The following OSBPL3 variants were observed in gnomAD, a reference collection of about 807,000 sequenced individuals.
The protein encoded by OSBPL3 is oxysterol-binding protein-related protein 3.
OSBPL3 carries 65 observed loss-of-function variants against 120.1 expected under a neutral mutation model. The observed-to-expected ratio is 0.54, with a 90% CI of 0.44 to 0.67. OSBPL3 has a LOEUF of 0.67. Ranked by LOEUF, OSBPL3 falls within the 30% of genes least tolerant of loss-of-function variation. OSBPL3 has a pLI of 0.00. For synonymous variants in OSBPL3, 416 were observed against 402.6 expected, an observed-to-expected ratio of 1.03 and a Z score of -0.40; for missense variants, 1,004 against 1,082.1, an observed-to-expected ratio of 0.93 and a Z score of 1.01.
At chr7:24,942,013 G>T (rs1240463581) in intron 1 of OSBPL3, among the ~76,000 whole-genome samples, 1 of 152,114 alleles carries the variant, frequency 6.6e-6, no homozygotes, top group Non-Finnish European at 1.5e-5. Context: ...ATCTCTCTTT[G>T]TAACACATAA....
intron 14 of OSBPL3, among the ~76,000 whole-genome samples, chr7:24,837,843 C>T (rs1045829262): frequency 6.6e-6 from 1 of 152,178 alleles, no homozygotes; most frequent in African/African-American, 2.4e-5. Context: ...AGTCTGGTCC[C>T]TTAATCTGTA....
chr7:24,977,856 AAAAAAAGAAAAG>A (rs918242285), intron 1 of OSBPL3, among the ~76,000 whole-genome samples: 8 of 152,266 alleles, frequency 5.3e-5, no homozygotes, highest in African/African-American at 1.9e-4. Context: ...ACTACGTCTC[AAAAAAAGAAAAG>A]AAAAAAGAAA....
rs1337629724 is a variant in OSBPL3 at position 24,899,930 on chromosome 7, G to A, written c.-149-7309C>T. Among the ~76,000 whole-genome samples, 1 of 152,230 alleles carries A rather than the reference G, an allele frequency of 6.6e-6. No individual in the cohort carries two copies. The highest frequency in any genetic ancestry group is 2.4e-5 in the African/African-American group (1 of 41,456). On this transcript the variant is annotated intron_variant, in intron 1 of 22. Coordinates refer to ENST00000313367, the MANE Select transcript of OSBPL3 (RefSeq NM_015550.4). The surrounding 1 kb of genome is among the most constrained non-coding windows in gnomAD (Gnocchi z 4.0). ...ATGCCCTGGGTGATTTTTGCTTAAA[G>A]TTTGAGAACGTAACTGACTTAGCCT...
At chr7:24,885,835 AAGGCTAT>A (rs532997279) in intron 2 of OSBPL3, among the ~76,000 whole-genome samples, 77 of 152,120 alleles carry the variant, frequency 5.1e-4, no homozygotes, top group African/African-American at 1.8e-3. Flanking sequence ...AATAAAACTC[AAGGCTAT>A]AGGACTCTTT....
At chr7:24,905,220 T>C (rs1807720624) in intron 1 of OSBPL3, among the ~76,000 whole-genome samples, 1 of 151,202 alleles carries the variant, frequency 6.6e-6, no homozygotes, top group African/African-American at 2.4e-5. Context: ...TTGTTTTCCA[T>C]CTTTTTTCTT....
chr7:24,902,274 T>C (rs770971427), intron 1 of OSBPL3, among the ~76,000 whole-genome samples: 1 of 152,308 alleles, frequency 6.6e-6, no homozygotes, highest in Admixed American at 6.5e-5. Context: ...AAAGGATATA[T>C]ACAAATACCC....
chr7:24,831,436 G>A lies in OSBPL3; in HGVS notation c.1747-531C>T, dbSNP rs963832842. On this transcript the variant is annotated intron_variant, in intron 15 of 22. Transcript: ENST00000313367. This position sits in a 1 kb window ranked among gnomAD's most constrained non-coding sequence, Gnocchi z 4.0. ...GTCATTTCCTAAGCCTGGGAAACAA[G>A]CCACAGGATATAGTGACTTTAAAGT... 7.2e-5 allele frequency among the ~76,000 whole-genome samples: 11 copies of A among 152,120 alleles called. No homozygotes were observed. The highest frequency in any genetic ancestry group is 2.7e-4 in the African/African-American group (11 of 41,410).
rs1393751771 is a variant in OSBPL3 at position 24,813,161 on chromosome 7, G to A, written c.2172+1898C>T. ...CCCAAAGTGCTGGGATTACAGGTGTGAGCCATGGCACCCGGGCTCTTAAGT... is the reference window on the plus strand; with the variant it reads ...CCCAAAGTGCTGGGATTACAGGTGTAAGCCATGGCACCCGGGCTCTTAAGT... On this transcript the variant is annotated intron_variant, in intron 19 of 22. Coordinates refer to ENST00000313367, the MANE Select transcript of OSBPL3 (RefSeq NM_015550.4). This position sits in a 1 kb window ranked among gnomAD's most constrained non-coding sequence, Gnocchi z 4.5. Among the ~76,000 whole-genome samples the A allele has an allele frequency of 6.6e-6, 1 of 152,158 alleles. No individual in the cohort carries two copies. The highest frequency in any genetic ancestry group is 6.5e-5 in the Admixed American group (1 of 15,270).
intron 2 of OSBPL3, among the ~76,000 whole-genome samples, chr7:24,874,951 C>T (rs937679843): frequency 6.6e-6 from 1 of 152,172 alleles, no homozygotes; most frequent in African/African-American, 2.4e-5. Flanking sequence ...CCCTCGGGGA[C>T]ACTGTGGAAT....
intron 1 of OSBPL3, among the ~76,000 whole-genome samples, chr7:24,978,006 T>C (rs759332187): frequency 1.6e-4 from 25 of 152,224 alleles, no homozygotes; most frequent in Non-Finnish European, 3.4e-4. Flanking sequence ...CAAATAAAGC[T>C]AAATGCCTAT....
chr7:24,809,918 C>G lies in OSBPL3; in HGVS notation c.2206G>C (p.Glu736Gln), dbSNP rs1192783083. The change falls in exon 20 of 23, where the codon GAA (glutamate) becomes CAA (glutamine). Residue 736 changes from glutamate to glutamine, a missense_variant. Glu to Gln is a conservative substitution (Grantham distance 29). This residue lies in a region of OSBPL3 where 473 missense variants were observed against 568.0 expected (regional missense o/e 0.83). Coordinates refer to ENST00000313367, the MANE Select transcript of OSBPL3 (RefSeq NM_015550.4). ...KYWSTNAHEIEGTVFDRSGKA... is the reference protein window; with the variant it reads ...KYWSTNAHEIQGTVFDRSGKA... The stretch of plus-strand genomic sequence containing the variant: ...CCACTCCTGTCAAACACTGTGCCTT[C>G]AATCTCATGGGCATTAGTGCTCCAG... The G allele has an allele frequency of 2.5e-6, 4 of 1,614,200 alleles. No individual in the cohort carries two copies. Among genetic ancestry groups the G allele is most frequent in the Non-Finnish European group, 3.4e-6 (4 of 1,180,010 alleles).
In OSBPL3 at chr7:24,923,252, A is replaced by C. The variant is rs148760750; in HGVS notation, c.-149-30631T>G. 2.9e-3 allele frequency among the ~76,000 whole-genome samples: 441 copies of C among 152,342 alleles called. 4 individuals are homozygous for C. Among genetic ancestry groups the C allele is most frequent in the African/African-American group, 9.3e-3 (388 of 41,580 alleles). ...CTCAGGACTGGGGAGTCAGAGCTAG[A>C]AGAGCGTCTCTGCTCCTCAGCAACC... is the stretch of plus-strand genomic sequence containing the variant. On this transcript the variant is annotated intron_variant, in intron 1 of 22. Transcript: ENST00000313367.
At chr7:24,812,467 C>T (rs1382154246) in intron 19 of OSBPL3, among the ~76,000 whole-genome samples, 1 of 151,978 alleles carries the variant, frequency 6.6e-6, no homozygotes, top group African/African-American at 2.4e-5. Flanking sequence ...CCAGTCCAGC[C>T]CAGCTCAGGC....
At chr7:24,876,229 T>A (rs1335905564) in intron 2 of OSBPL3, among the ~76,000 whole-genome samples, 1 of 152,180 alleles carries the variant, frequency 6.6e-6, no homozygotes, top group Non-Finnish European at 1.5e-5. Flanking sequence ...GGCGATTTAC[T>A]TATATTTTGG....
At chr7:24,869,701 TAGC>T (rs1248116552) in intron 5 of OSBPL3, among the ~76,000 whole-genome samples, 1 of 152,192 alleles carries the variant, frequency 6.6e-6, no homozygotes, top group African/African-American at 2.4e-5. Context: ...TTTACACAAT[TAGC>T]TACACCCAGA....
chr7:24,837,392 C>T (rs551131159), intron 14 of OSBPL3, among the ~76,000 whole-genome samples: 8 of 151,768 alleles, frequency 5.3e-5, no homozygotes, highest in Non-Finnish European at 7.4e-5. Context: ...TTTTTAGAGA[C>T]AGGATCTTGC....
rs370452025 is a variant in OSBPL3 at position 24,866,352 on chromosome 7, C to A, written c.382-115G>T. 77 of 810,546 alleles carry A rather than the reference C, an allele frequency of 9.5e-5. 3 individuals are homozygous for A. Among genetic ancestry groups the A allele is most frequent in the Admixed American group, 4.0e-4 (19 of 47,222 alleles). The allele number at this position is 810,546 out of a possible 1,614,324, so 50.2% of individuals were successfully genotyped here. On this transcript the variant is annotated intron_variant, in intron 5 of 22. Transcript: ENST00000313367. The stretch of plus-strand genomic sequence containing the variant: ...CTCTTTTTCAGTTGGCACGTAATTT[C>A]AACAGCCAGGCGCAGTGGCTGATGC...
intron 12 of OSBPL3, among the ~76,000 whole-genome samples, chr7:24,843,477 C>T (rs1798030456): frequency 6.6e-6 from 1 of 152,126 alleles, no homozygotes; most frequent in Non-Finnish European, 1.5e-5. Context: ...CAGATTATAT[C>T]TTGCCCAGAA....
In OSBPL3 at chr7:24,918,031, T is replaced by C. The variant is rs1445666414; in HGVS notation, c.-149-25410A>G. The stretch of plus-strand genomic sequence containing the variant: ...TCAGTGATCCTATGAGTCCATAAAA[T>C]GACTAGCACTCTTACCTATAAAGGT... On this transcript the variant is annotated intron_variant, in intron 1 of 22. Coordinates refer to ENST00000313367, the MANE Select transcript of OSBPL3 (RefSeq NM_015550.4). The surrounding 1 kb of genome is among the most constrained non-coding windows in gnomAD (Gnocchi z 4.3). 23 of 972,406 alleles carry C rather than the reference T, an allele frequency of 2.4e-5. No individual in the cohort carries two copies. The highest frequency in any genetic ancestry group is 2.8e-5 in the Non-Finnish European group (23 of 818,134). The allele number at this position is 972,406 out of a possible 1,614,324, so 60.2% of individuals were successfully genotyped here. A position where few individuals can be genotyped will look rare whatever the true frequency, so the allele number is the denominator to read the frequency against.
Sources: allele counts gnomAD v4.1 joint callset (sites outside exome capture counted in the v4.1 genomes callset), GRCh38; gene constraint gnomAD v4.1.1; regional missense constraint gnomAD v4.1.1; non-coding constraint Gnocchi (gnomAD v3.1); transcripts MANE v1.5; gene names NCBI Gene and HGNC (gene_info 2026-07-23, HGNC 2026-07-21).